The following MAN1A1 variants were observed in gnomAD, a reference collection of about 807,000 sequenced individuals.
MAN1A1 encodes mannosidase alpha class 1A member 1, also known as mannosyl-oligosaccharide 1,2-alpha-mannosidase IA.
A neutral mutation model predicts 70.8 loss-of-function variants in MAN1A1; 29 were observed. The observed-to-expected ratio is 0.41, with a 90% CI of 0.31 to 0.56. The LOEUF (loss-of-function observed/expected upper bound fraction) is 0.56, where lower values mean the gene tolerates loss of function less well. MAN1A1 is among the 20% of genes least tolerant of loss of function. The pLI is 0.29. For missense variants in MAN1A1, 747 were observed against 841.3 expected (o/e 0.89, Z 1.39); for synonymous variants, 349 against 330.1 (o/e 1.06, Z -0.62).
intron 6 of MAN1A1, among the ~76,000 whole-genome samples, chr6:119,213,557 C>G (rs570497766): frequency 6.6e-6 from 1 of 152,250 alleles, no homozygotes; most frequent in East Asian, 1.9e-4. Context: ...TTAGAAACAC[C>G]TTTATATAAA....
chr6:119,344,134 TAAG>T (rs1195146963), intron 2 of MAN1A1, among the ~76,000 whole-genome samples: 1 of 152,222 alleles, frequency 6.6e-6, no homozygotes, highest in Non-Finnish European at 1.5e-5. Context: ...TTAGCTCACC[TAAG>T]AAGTACAGAT....
Position 119,349,544 on chromosome 6 carries a change from C to A in MAN1A1, c.-225G>T. ...CACCTCGGGGAGGGGCAGCGCACCT[C>A]TGGGCAGGAGGGGCGCAGCGTGGGC... is the stretch of plus-strand genomic sequence containing the variant. On this transcript the variant is annotated splice_region_variant and 5_prime_UTR_variant, in exon 1 of 13. Coordinates refer to ENST00000368468, the MANE Select transcript of MAN1A1 (RefSeq NM_005907.4). 2 of 986,344 alleles carry A rather than the reference C, an allele frequency of 2.0e-6. No homozygotes were observed. The allele number at this position is 986,344 out of a possible 1,614,324, so 61.1% of individuals were successfully genotyped here. A position where few individuals can be genotyped will look rare whatever the true frequency, so the allele number is the denominator to read the frequency against.
At chr6:119,218,812 G>T (rs1774277213) in intron 6 of MAN1A1, among the ~76,000 whole-genome samples, 1 of 152,130 alleles carries the variant, frequency 6.6e-6, no homozygotes, top group African/African-American at 2.4e-5. Flanking sequence ...ACCCTGAGCT[G>T]CCAAGGTAGG....
intron 2 of MAN1A1, among the ~76,000 whole-genome samples, chr6:119,315,968 CG>C (rs1385599016): frequency 1.3e-5 from 2 of 152,084 alleles, no homozygotes; most frequent in Non-Finnish European, 2.9e-5. Flanking sequence ...TTAATTAACA[CG>C]GAAACTTTGA....
rs1054610592 is a variant in MAN1A1, at chr6:119,211,204, G to C, written c.993-6322C>G. On this transcript the variant is annotated intron_variant, in intron 6 of 12. Transcript: ENST00000368468. ...CAGTACTTAAGACACTAACACCATAGTGAAATTTGGCTATGTTTTCCATCT... is the reference window on the plus strand; with the variant it reads ...CAGTACTTAAGACACTAACACCATACTGAAATTTGGCTATGTTTTCCATCT... Among the ~76,000 whole-genome samples, 2 of 152,182 alleles carry C rather than the reference G, an allele frequency of 1.3e-5. 1 individual carries two copies. Among genetic ancestry groups the C allele is most frequent in the Admixed American group, 1.3e-4 (2 of 15,274 alleles).
intron 5 of MAN1A1, among the ~76,000 whole-genome samples, chr6:119,288,858 A>C (rs1377444906): frequency 6.6e-6 from 1 of 151,904 alleles, no homozygotes; most frequent in Non-Finnish European, 1.5e-5. Context: ...ATAAAATTTA[A>C]AATACAGAAA....
At chr6:119,342,512 A>T (rs184638486) in intron 2 of MAN1A1, among the ~76,000 whole-genome samples, 14 of 152,338 alleles carry the variant, frequency 9.2e-5, no homozygotes, top group African/African-American at 3.4e-4. Context: ...CAAATGAGGA[A>T]ACTAAAGTTC....
chr6:119,325,409 G>A (rs1312643589), intron 2 of MAN1A1, among the ~76,000 whole-genome samples: 1 of 152,188 alleles, frequency 6.6e-6, no homozygotes, highest in Non-Finnish European at 1.5e-5. Flanking sequence ...TATAATCCCA[G>A]CACTTTGGGA....
chr6:119,343,136 GA>G (rs796450746), intron 2 of MAN1A1, among the ~76,000 whole-genome samples: 378 of 133,382 alleles, frequency 2.8e-3, no homozygotes, highest in African/African-American at 4.1e-3. Flanking sequence ...ATCGTTGGCT[GA>G]AAAAAAAAAA....
intron 5 of MAN1A1, among the ~76,000 whole-genome samples, chr6:119,258,037 A>T (rs1179357180): frequency 1.3e-5 from 2 of 152,154 alleles, no homozygotes; most frequent in Non-Finnish European, 2.9e-5. Flanking sequence ...GACATATTTT[A>T]AAAAATATAA....
chr6:119,184,621 C>T (rs999026032), intron 11 of MAN1A1, among the ~76,000 whole-genome samples: 2 of 151,476 alleles, frequency 1.3e-5, no homozygotes, highest in Non-Finnish European at 2.9e-5. Context: ...TCCTGAGAGT[C>T]GAAATGTCTG....
intron 5 of MAN1A1, among the ~76,000 whole-genome samples, chr6:119,281,534 A>G (rs1033038163): frequency 6.6e-6 from 1 of 152,172 alleles, no homozygotes. Flanking sequence ...CCTCTTCCCC[A>G]TGACAACTAG....
At chr6:119,200,061 A>G (rs1379298930) in intron 8 of MAN1A1, among the ~76,000 whole-genome samples, 1 of 152,232 alleles carries the variant, frequency 6.6e-6, no homozygotes, top group Admixed American at 6.5e-5. Context: ...GAAAAGGCAG[A>G]AAGTCTTTCA....
At chr6:119,343,213 C>T (rs1176610742) in intron 2 of MAN1A1, among the ~76,000 whole-genome samples, 2 of 151,174 alleles carry the variant, frequency 1.3e-5, no homozygotes, top group Non-Finnish European at 2.9e-5. Flanking sequence ...GTTTTCTGTA[C>T]TCTCTATTAG....
intron 2 of MAN1A1, among the ~76,000 whole-genome samples, chr6:119,334,005 T>A (rs1773387914): frequency 2.0e-5 from 3 of 152,182 alleles, no homozygotes; most frequent in African/African-American, 7.2e-5. Context: ...AGCATCACCA[T>A]CCCCAACTCT....
intron 5 of MAN1A1, among the ~76,000 whole-genome samples, chr6:119,283,112 G>A (rs1210220366): frequency 6.6e-6 from 1 of 152,186 alleles, no homozygotes; most frequent in Admixed American, 6.5e-5. Context: ...TTGCTAGCTG[G>A]GGTGGGGGTT....
chr6:119,200,952 A>G (rs535603306), intron 8 of MAN1A1, among the ~76,000 whole-genome samples: 2 of 152,316 alleles, frequency 1.3e-5, no homozygotes, highest in African/African-American at 4.8e-5. Flanking sequence ...TTTCCTTTCT[A>G]TCCACATGAC....
At chr6:119,309,577 G>A (rs1342702555) in intron 2 of MAN1A1, among the ~76,000 whole-genome samples, 2 of 152,056 alleles carry the variant, frequency 1.3e-5, no homozygotes, top group East Asian at 3.9e-4. Flanking sequence ...ACTTAATTAG[G>A]GTTCTAAAGC....
chr6:119,288,536 C>T lies in MAN1A1; in HGVS notation c.897+2147G>A, dbSNP rs370526204. ...GGTAAAAAATTTTCCGGATCACATT[C>T]CTAATGGCCAATTCCCCTGAATGCA... On this transcript the variant is annotated intron_variant, in intron 5 of 12. Transcript: ENST00000368468. Among the ~76,000 whole-genome samples the T allele has an allele frequency of 3.9e-4, 59 of 151,958 alleles. 1 individual carries two copies. Among genetic ancestry groups the T allele is most frequent in the African/African-American group, 1.3e-3 (54 of 41,494 alleles).
Sources: gnomAD v4.1 joint callset for allele counts (sites outside exome capture counted in the v4.1 genomes callset) on GRCh38, gnomAD v4.1.1 for gene constraint, MANE v1.5 for transcripts, NCBI Gene and HGNC (gene_info 2026-07-23, HGNC 2026-07-21) for gene names.